ZC3H7B: variants seen among roughly 807,000 people sequenced by gnomAD.
ZC3H7B encodes the protein zinc finger CCCH-type containing 7B, also known as zinc finger CCCH domain-containing protein 7B.
ZC3H7B carries 35 observed loss-of-function variants against 116.0 expected under a neutral mutation model. The ratio of observed to expected loss-of-function variants is 0.30; its 90% CI spans 0.23 to 0.40. The LOEUF is 0.40. Ranked by LOEUF, ZC3H7B falls within the 10% of genes least tolerant of loss-of-function variation. The probability of loss-of-function intolerance (pLI) is 1.00; values close to 1 mark genes in which losing one functional copy is unlikely to be tolerated. For synonymous variants in ZC3H7B, 502 were observed against 545.6 expected, an observed-to-expected ratio of 0.92 and a Z score of 1.11; for missense variants, 1,011 against 1,321.5, an observed-to-expected ratio of 0.77 and a Z score of 3.64.
At chr22:41,323,775 C>T (rs1457357968) in intron 2 of ZC3H7B, among the ~76,000 whole-genome samples, 1 of 152,150 alleles carries the variant, frequency 6.6e-6, no homozygotes, top group Non-Finnish European at 1.5e-5. Context: ...TGCAGAGGAC[C>T]TTAAGATGTC....
At chr22:41,356,090 C>T in intron 20 of ZC3H7B, 28 bp downstream of exon 20, 1 of 1,540,714 alleles carries the variant, frequency 6.5e-7, no homozygotes, top group East Asian at 2.3e-5. Context: ...GCGGGCGGGC[C>T]CTCCCCCGGT....
In ZC3H7B at chr22:41,327,088, C is replaced by A; in HGVS notation, c.286-118C>A. ...GAGCCCTGTCCCTGACCCAAGACTTCAGCTCCTCTGTCTCTGCCAGGAAGG... is the reference window on the plus strand; with the variant it reads ...GAGCCCTGTCCCTGACCCAAGACTTAAGCTCCTCTGTCTCTGCCAGGAAGG... On this transcript the variant is annotated intron_variant, in intron 4 of 22. Transcript: ENST00000352645. This position sits in a 1 kb window ranked among gnomAD's most constrained non-coding sequence, Gnocchi z 4.5. 6.9e-7 allele frequency: 1 copy of A among 1,443,530 alleles called. No individual in the cohort carries two copies. The highest frequency in any genetic ancestry group is 9.3e-7 in the Non-Finnish European group (1 of 1,073,154). The allele number at this position is 1,443,530 out of a possible 1,614,324, so 89.4% of individuals were successfully genotyped here. A position where few individuals can be genotyped will look rare whatever the true frequency, so the allele number is the denominator to read the frequency against.
At chr22:41,340,998 C>T (rs534709337) in intron 10 of ZC3H7B, 90 bp from the exon 11 acceptor site, 225 of 1,312,914 alleles carry the variant, frequency 1.7e-4, no homozygotes, top group Middle Eastern at 5.6e-4. Context: ...GGGGCTTCTC[C>T]GAGTCAGCAA....
At chr22:41,342,698 G>A in intron 12 of ZC3H7B, 70 bp downstream of exon 12, 6 of 1,410,422 alleles carry the variant, frequency 4.3e-6, no homozygotes, top group Non-Finnish European at 5.8e-6. Flanking sequence ...TGGGATCCCA[G>A]ATCAAAAGAA....
Position 41,349,052 on chromosome 22 carries a change from C to T in ZC3H7B, c.1767-68C>T. The T allele has an allele frequency of 3.3e-6, 5 of 1,536,752 alleles. No homozygotes were observed. The highest frequency in any genetic ancestry group is 4.4e-6 in the Non-Finnish European group (5 of 1,131,322). On this transcript the variant is annotated intron_variant, in intron 15 of 22. Coordinates refer to ENST00000352645, the MANE Select transcript of ZC3H7B (RefSeq NM_017590.6). This position sits in a 1 kb window ranked among gnomAD's most constrained non-coding sequence, Gnocchi z 4.9. Reference sequence around the variant, plus strand: ...GAGAGCCTGGCACTGGGAAGGTGGCCCTACCAGGAGAGAAGGTCAGAGGGG... The same window carrying T: ...GAGAGCCTGGCACTGGGAAGGTGGCTCTACCAGGAGAGAAGGTCAGAGGGG...
At chr22:41,343,372 A>C in intron 12 of ZC3H7B, 43 bp from the exon 13 acceptor site, 1 of 1,579,892 alleles carries the variant, frequency 6.3e-7, no homozygotes, top group South Asian at 1.1e-5. Context: ...TCACTCTTCA[A>C]TTCTGCTTCC....
intron 1 of ZC3H7B, among the ~76,000 whole-genome samples, chr22:41,315,641 T>G (rs1387480999): frequency 6.6e-6 from 1 of 152,168 alleles, no homozygotes; most frequent in African/African-American, 2.4e-5. Flanking sequence ...CTGGCCTGTT[T>G]GATTTTTGGT....
intron 9 of ZC3H7B, among the ~76,000 whole-genome samples, chr22:41,339,470 A>T (rs1274206201): frequency 1.3e-5 from 2 of 152,044 alleles, no homozygotes. Context: ...TACTAAAAAT[A>T]CAAAAATTAG....
At chr22:41,344,587 A>G (rs187262185) in intron 13 of ZC3H7B, among the ~76,000 whole-genome samples, 52 of 152,078 alleles carry the variant, frequency 3.4e-4, no homozygotes, top group Middle Eastern at 3.4e-3. Flanking sequence ...TTCCCCTTGC[A>G]ATCACCCCCA....
chr22:41,341,311 C>T (rs1219556930), intron 11 of ZC3H7B, among the ~76,000 whole-genome samples, 165 bp downstream of exon 11: 1 of 152,188 alleles, frequency 6.6e-6, no homozygotes, highest in Non-Finnish European at 1.5e-5. Flanking sequence ...CCCTTCCTCA[C>T]CAAGCCATAT....
chr22:41,326,319 CT>C (rs1191388912), intron 4 of ZC3H7B, among the ~76,000 whole-genome samples: 1 of 151,240 alleles, frequency 6.6e-6, no homozygotes, highest in African/African-American at 2.4e-5. Flanking sequence ...AGCCTCCTCA[CT>C]GTTCCTCCCA....
intron 1 of ZC3H7B, among the ~76,000 whole-genome samples, chr22:41,318,205 T>A (rs2036208364): frequency 1.3e-5 from 2 of 151,468 alleles, no homozygotes; most frequent in Non-Finnish European, 2.9e-5. Context: ...GAGGCTGAGG[T>A]GGGAGGATCA....
intron 13 of ZC3H7B, among the ~76,000 whole-genome samples, chr22:41,344,604 C>G (rs1182090975): frequency 6.6e-6 from 1 of 152,204 alleles, no homozygotes; most frequent in African/African-American, 2.4e-5. Context: ...CCCACTCCCA[C>G]CCAGGGATCT....
chr22:41,342,450 C>T (rs1042253330), intron 11 of ZC3H7B, 79 bp from the exon 12 acceptor site: 1 of 1,397,728 alleles, frequency 7.2e-7, no homozygotes, highest in Admixed American at 1.7e-5. Flanking sequence ...GAGCACTCCC[C>T]ACTTCTGGTG....
chr22:41,333,605 G>A (rs546603425), intron 7 of ZC3H7B: 1 of 152,280 alleles, frequency 6.6e-6, no homozygotes, highest in African/African-American at 2.4e-5. Flanking sequence ...CAGCCTGAGA[G>A]ACAGAATGAG....
At chr22:41,329,155 A>G (rs2036351712) in intron 5 of ZC3H7B, among the ~76,000 whole-genome samples, 1 of 149,850 alleles carries the variant, frequency 6.7e-6, no homozygotes, top group African/African-American at 2.4e-5. Flanking sequence ...TAGTGAGCTG[A>G]GATCGCGCCA....
intron 2 of ZC3H7B, among the ~76,000 whole-genome samples, chr22:41,324,518 A>AG (rs1456056420): frequency 6.6e-6 from 1 of 152,196 alleles, no homozygotes; most frequent in African/African-American, 2.4e-5. Flanking sequence ...TGTGGAATGA[A>AG]GGACTGGGAG....
At chr22:41,328,440 C>A (rs941009103) in intron 5 of ZC3H7B, among the ~76,000 whole-genome samples, 2 of 152,222 alleles carry the variant, frequency 1.3e-5, no homozygotes, top group African/African-American at 4.8e-5. Flanking sequence ...TGACTCCGAC[C>A]CAGGCCCTGG....
In ZC3H7B at chr22:41,332,160, A is replaced by G. The variant is rs1381110202; in HGVS notation, c.526-11A>G. 3.7e-6 allele frequency: 6 copies of G among 1,613,916 alleles called. No homozygotes were observed. Among genetic ancestry groups the G allele is most frequent in the Non-Finnish European group, 4.2e-6 (5 of 1,179,934 alleles). ...CTTTACCTCTGCCCACCTCTCTCCA[A>G]TCTCTGGCAGGAATTGGAAACCTTT... On this transcript the variant is annotated splice_polypyrimidine_tract_variant and intron_variant, in intron 6 of 22. Transcript: ENST00000352645.
Sources: gnomAD v4.1 joint callset for allele counts (sites outside exome capture counted in the v4.1 genomes callset) on GRCh38, gnomAD v4.1.1 for gene constraint, Gnocchi (gnomAD v3.1) non-coding constraint, MANE v1.5 for transcripts, NCBI Gene and HGNC (gene_info 2026-07-23, HGNC 2026-07-21) for gene names.